The following LRP2 variants were observed in gnomAD, a reference collection of about 807,000 sequenced individuals.
LRP2 encodes the protein LDL receptor related protein 2.
A neutral mutation model predicts 531.0 loss-of-function variants in LRP2; 172 were observed. The observed-to-expected ratio is 0.32, with a 90% confidence interval of 0.29 to 0.37. The LOEUF is 0.37. Ranked by LOEUF, LRP2 falls within the 10% of genes least tolerant of loss-of-function variation. The probability of loss-of-function intolerance (pLI) is 1.00; values close to 1 mark genes in which losing one functional copy is unlikely to be tolerated. For synonymous variants in LRP2, 1,992 were observed against 2,027.6 expected (o/e 0.98, Z 0.47); for missense variants, 5,167 against 5,868.3 (o/e 0.88, Z 3.90).
In LRP2 at chr2:169,128,501, C is replaced by T. The variant is rs978826047; in HGVS notation, c.*162G>A. On this transcript the variant is annotated 3_prime_UTR_variant, in exon 79 of 79. Coordinates refer to ENST00000649046, the MANE Select transcript of LRP2 (RefSeq NM_004525.3). ...GATAATTATTTGTAAAAATATGAGA[C>T]GGCATAAGTAAAAAAAGACACACAG... The T allele has an allele frequency of 6.5e-5, 42 of 644,882 alleles. No individual in the cohort carries two copies. The highest frequency in any genetic ancestry group is 8.1e-5 in the Non-Finnish European group (30 of 371,912). The allele number at this position is 644,882 out of a possible 1,614,324, so 39.9% of individuals were successfully genotyped here.
chr2:169,245,671 T>A (rs1689979119), intron 21 of LRP2, among the ~76,000 whole-genome samples: 1 of 152,176 alleles, frequency 6.6e-6, no homozygotes, highest in Non-Finnish European at 1.5e-5. Flanking sequence ...CTATATAGAC[T>A]AGATTACCGT....
chr2:169,134,664 A>G (rs1327363703), intron 76 of LRP2, among the ~76,000 whole-genome samples: 1 of 152,190 alleles, frequency 6.6e-6, no homozygotes, highest in African/African-American at 2.4e-5. Flanking sequence ...CATTGCCTTA[A>G]GTCAAACCCT....
In LRP2 at chr2:169,246,887, C is replaced by G; in HGVS notation, c.3008G>C (p.Gly1003Ala). 1 of 1,614,194 alleles carries G rather than the reference C, an allele frequency of 6.2e-7. No homozygotes were observed. The highest frequency in any genetic ancestry group is 8.5e-7 in the Non-Finnish European group (1 of 1,180,038). The change falls in exon 21 of 79, where the codon GGA (glycine) becomes GCA (alanine). Residue 1003 changes from glycine (G) to alanine (A), a missense_variant. Physicochemically the swap from Gly to Ala is moderately conservative, Grantham distance 60. Transcript: ENST00000649046. The stretch of plus-strand genomic sequence containing the variant: ...CAAGTGATTGGAAGCCAGCCTCATT[C>G]CATAAGGGCACCCACACACTCGCTG... ...NFQRVCGCPY[G>A]MRLASNHLTC... is the part of the protein sequence containing the mutation.
At chr2:169,229,349 T>C (rs190004201) in intron 31 of LRP2, among the ~76,000 whole-genome samples, 2 of 152,296 alleles carry the variant, frequency 1.3e-5, no homozygotes, top group African/African-American at 2.4e-5. Context: ...AGTGTTGTAA[T>C]TGAACGACAA....
rs962183964 is a variant in LRP2 at position 169,193,790 on chromosome 2, A to G, written c.8801T>C (p.Met2934Thr). 6.2e-7 allele frequency: 1 copy of G among 1,614,164 alleles called. No homozygotes were observed. The highest frequency in any genetic ancestry group is 8.5e-7 in the Non-Finnish European group (1 of 1,180,028). ...CTGGTGCCTTTTATCCTCGTCACTCATATCCCCACAGTCATTATCACCGTC... is the reference window on the plus strand; with the variant it reads ...CTGGTGCCTTTTATCCTCGTCACTCGTATCCCCACAGTCATTATCACCGTC... The part of the protein sequence containing the change: ...ICDGDNDCGD[M>T]SDEDKRHQCQ... The change falls in exon 47 of 79, where the codon ATG becomes ACG. Residue 2934 changes from methionine (M) to threonine (T), a missense_variant. By Grantham distance (81) the Met-to-Thr change is moderately conservative. Transcript: ENST00000649046.
At position 169,216,005 on chromosome 2, in the gene LRP2, A is replaced by C. The variant is rs11886318; in HGVS notation, c.5826+248T>G. Among the ~76,000 whole-genome samples, 83,904 of 151,682 alleles carry C rather than the reference A, an allele frequency of 0.55. 24,357 individuals carry two copies. The highest frequency in any genetic ancestry group is 0.76 in the South Asian group (3,676 of 4,818). On this transcript the variant is annotated intron_variant, in intron 35 of 78. Transcript: ENST00000649046. Reference sequence around the variant, plus strand: ...GGAATTAATTTATCTTGAAGAAAAAAAAACGTTGGTGGGGAAATTAATAAA... The same window carrying C: ...GGAATTAATTTATCTTGAAGAAAAACAAACGTTGGTGGGGAAATTAATAAA...
chr2:169,146,677 CAA>C, intron 69 of LRP2, 60 bp downstream of exon 69: 1 of 1,390,184 alleles, frequency 7.2e-7, no homozygotes, highest in Non-Finnish European at 1.0e-6. Context: ...AGAAAACAGG[CAA>C]AGACATTAGA....
intron 4 of LRP2, 100 bp downstream of exon 4, chr2:169,307,181 T>C (rs1165175333): frequency 1.1e-5 from 9 of 822,068 alleles, no homozygotes; most frequent in South Asian, 1.3e-5. Flanking sequence ...AGAGGCATAT[T>C]GTAGGCATTT....
At chr2:169,307,196 CCA>C in intron 4 of LRP2, 83 bp downstream of exon 4, 1 of 903,824 alleles carries the variant, frequency 1.1e-6, no homozygotes, top group South Asian at 1.3e-5. Flanking sequence ...GCATTTATGT[CCA>C]TCAACAAATC....
intron 48 of LRP2, among the ~76,000 whole-genome samples, chr2:169,188,769 C>T (rs760562459): frequency 3.3e-5 from 5 of 152,130 alleles, no homozygotes; most frequent in Non-Finnish European, 7.3e-5. Flanking sequence ...CAAATGGAAA[C>T]TCATAGGGTG....
chr2:169,352,300 T>C (rs2544393), intron 1 of LRP2, among the ~76,000 whole-genome samples: 150,911 of 152,320 alleles, frequency 0.99, 74,775 homozygotes, highest in East Asian at 1. Flanking sequence ...GGACCTGCCA[T>C]GCTGGCCAAA....
intron 1 of LRP2, among the ~76,000 whole-genome samples, chr2:169,347,452 T>A (rs986974874): frequency 6.6e-6 from 1 of 152,332 alleles, no homozygotes; most frequent in Admixed American, 6.5e-5. Context: ...GAGAACTTAA[T>A]AATTTTTTTC....
Position 169,275,250 on chromosome 2 carries a change from G to T in LRP2, c.1773-12C>A, listed in dbSNP as rs753361585. The T allele has an allele frequency of 1.3e-5, 21 of 1,597,390 alleles. No homozygotes were observed. Among genetic ancestry groups the T allele is most frequent in the Middle Eastern group, 1.7e-4 (1 of 6,056 alleles). On this transcript the variant is annotated splice_polypyrimidine_tract_variant and intron_variant, in intron 13 of 78. Transcript: ENST00000649046. Reference sequence around the variant, plus strand: ...GAACTACAGTCTTCCTGTTATAAAAGACACATATATATCATACAATTTGTT... The same window carrying T: ...GAACTACAGTCTTCCTGTTATAAAATACACATATATATCATACAATTTGTT...
chr2:169,207,953 G>A (rs1171011119), intron 38 of LRP2, among the ~76,000 whole-genome samples: 1 of 152,192 alleles, frequency 6.6e-6, no homozygotes, highest in African/African-American at 2.4e-5. Context: ...CACATATTTT[G>A]TTCCTATATC....
chr2:169,244,974 C>A, intron 21 of LRP2, 42 bp from the exon 22 acceptor site: 1 of 1,613,386 alleles, frequency 6.2e-7, no homozygotes, highest in South Asian at 1.1e-5. Flanking sequence ...TTTGTTTTTA[C>A]AGCCTTTTAA....
chr2:169,240,197 A>G (rs1393313148), intron 25 of LRP2, among the ~76,000 whole-genome samples: 2 of 152,240 alleles, frequency 1.3e-5, no homozygotes, highest in African/African-American at 4.8e-5. Flanking sequence ...AGAAAAGACC[A>G]GAAAATCTAT....
At chr2:169,290,674 C>A (rs958560951) in intron 8 of LRP2, among the ~76,000 whole-genome samples, 171 bp downstream of exon 8, 1 of 152,170 alleles carries the variant, frequency 6.6e-6, no homozygotes, top group Non-Finnish European at 1.5e-5. Flanking sequence ...GAGGAACTAC[C>A]TAGCCAACCC....
Position 169,206,421 on chromosome 2 carries a change from G to C in LRP2, c.7299C>G (p.Ile2433Met), listed in dbSNP as rs183171381. 2.5e-5 allele frequency: 41 copies of C among 1,614,086 alleles called. No homozygotes were observed. The East Asian group carries it at 9.1e-4, about 36-fold the overall frequency. ...CAGAGGCTAAATTTTGTGTGAAGTA[G>C]ATTCTATCACTTACACTGTCATAGT... ...SLDYDSVSDRIYFTQNLASGV... is the reference protein window; with the variant it reads ...SLDYDSVSDRMYFTQNLASGV... Residue 2433 changes from isoleucine to methionine, a missense_variant, in exon 39 of 79, where the codon ATC becomes ATG. Coordinates refer to ENST00000649046, the MANE Select transcript of LRP2 (RefSeq NM_004525.3).
At chr2:169,137,038 T>G (rs1003213430) in intron 76 of LRP2, among the ~76,000 whole-genome samples, 2 of 152,346 alleles carry the variant, frequency 1.3e-5, no homozygotes, top group South Asian at 4.1e-4. Context: ...ACTCATTCAT[T>G]TCACAAGTAT....
Sources: gnomAD v4.1 joint callset for allele counts (sites outside exome capture counted in the v4.1 genomes callset) on GRCh38, gnomAD v4.1.1 for gene constraint, MANE v1.5 for transcripts, NCBI Gene and HGNC (gene_info 2026-07-23, HGNC 2026-07-21) for gene names.